POLR2D: variants seen among roughly 807,000 people sequenced by gnomAD.
The protein encoded by POLR2D is DNA-directed RNA polymerase II subunit RPB4.
Under a neutral mutation model 17.6 loss-of-function variants are expected in POLR2D, and 10 were observed. The observed-to-expected ratio is 0.57, with a 90% CI of 0.35 to 0.96. The LOEUF is 0.96. Among genes scored for constraint, POLR2D ranks in the 40% least tolerant of loss-of-function variants. POLR2D has a pLI of 0.02. For missense variants in POLR2D, 126 were observed against 176.4 expected (o/e 0.71, Z 1.62); for synonymous variants, 52 against 60.2 (o/e 0.86, Z 0.63).
Position 127,857,564 on chromosome 2 carries a change from C to T in POLR2D, c.73+464G>A, listed in dbSNP as rs184391993. On this transcript the variant is annotated intron_variant, in intron 1 of 3. Coordinates refer to ENST00000272645, the MANE Select transcript of POLR2D (RefSeq NM_004805.4). ...GCCAGTCAACAAACCAAGCTGCGTT[C>T]ACACGGACCAATCCTCCTCTTCCCG... 1.2e-3 allele frequency among the ~76,000 whole-genome samples: 183 copies of T among 152,336 alleles called. 1 individual carries two copies. Among genetic ancestry groups the T allele is most frequent in the Non-Finnish European group, 2.3e-3 (155 of 68,028 alleles).
chr2:127,844,354 C>T lies in POLR2D; in HGVS notation c.*3753G>A, dbSNP rs2104718731. ...TACAGCGCAGGAACAAACTAAGACA[C>T]TAAAACTTTCAGAAAGACTTATCTG... is the stretch of plus-strand genomic sequence containing the variant. On this transcript the variant is annotated 3_prime_UTR_variant, in exon 4 of 4. Transcript: ENST00000272645. 1 of 152,300 alleles carries T rather than the reference C, an allele frequency of 6.6e-6. No homozygotes were observed. Among genetic ancestry groups the T allele is most frequent in the South Asian group, 2.1e-4 (1 of 4,824 alleles). The allele number at this position is 152,300 out of a possible 1,614,324, so 9.4% of individuals were successfully genotyped here.
intron 2 of POLR2D, 120 bp from the exon 3 acceptor site, chr2:127,850,805 G>A (rs1428864578): frequency 1.3e-5 from 8 of 613,468 alleles, no homozygotes; most frequent in Admixed American, 6.0e-5. Flanking sequence ...ATAGCTAGAC[G>A]GCCAGGTGTA....
intron 1 of POLR2D, among the ~76,000 whole-genome samples, chr2:127,853,937 C>T (rs1385431612): frequency 6.6e-6 from 1 of 152,178 alleles, no homozygotes; most frequent in African/African-American, 2.4e-5. Flanking sequence ...AGACATGCTA[C>T]TAAGTAATGA....
chr2:127,855,549 C>T (rs776711779), intron 1 of POLR2D, among the ~76,000 whole-genome samples: 7 of 152,276 alleles, frequency 4.6e-5, no homozygotes, highest in South Asian at 2.1e-4. Flanking sequence ...ACTACTAATA[C>T]ATTACCCTCA....
rs1420096665 is a variant in POLR2D, at chr2:127,843,566, T to C, written c.*4541A>G. ...CTGACACCAGTGGCATATTTAGTGC[T>C]TTTTATTAACAGTATTACTAAGGCA... On this transcript the variant is annotated 3_prime_UTR_variant, in exon 4 of 4. Coordinates refer to ENST00000272645, the MANE Select transcript of POLR2D (RefSeq NM_004805.4). 1 of 152,266 alleles carries C rather than the reference T, an allele frequency of 6.6e-6. No individual in the cohort carries two copies. The highest frequency in any genetic ancestry group is 2.4e-5 in the African/African-American group (1 of 41,468). The allele number at this position is 152,266 out of a possible 1,614,324, so 9.4% of individuals were successfully genotyped here. A position where few individuals can be genotyped will look rare whatever the true frequency, so the allele number is the denominator to read the frequency against.
At chr2:127,851,295 T>G (rs1690248836) in intron 2 of POLR2D, among the ~76,000 whole-genome samples, 1 of 151,994 alleles carries the variant, frequency 6.6e-6, no homozygotes, top group African/African-American at 2.4e-5. Flanking sequence ...GGTGTGTGTC[T>G]GTAGTCCCAG....
chr2:127,858,103 C>G lies in POLR2D; in HGVS notation c.-3G>C. 1 of 1,479,556 alleles carries G rather than the reference C, an allele frequency of 6.8e-7. No homozygotes were observed. 91.7% of individuals were successfully genotyped at this position (1,479,556 alleles called of 1,614,324 possible). ...GGATCGCTGCCACCCGCCGCCATCG[C>G]CGCGCCGCGCCGCGCGCCACCACCA... On this transcript the variant is annotated 5_prime_UTR_variant, in exon 1 of 4. Coordinates refer to ENST00000272645, the MANE Select transcript of POLR2D (RefSeq NM_004805.4).
rs550288369 is a variant in POLR2D at position 127,852,103 on chromosome 2, G to T, written c.254+822C>A. On this transcript the variant is annotated intron_variant, in intron 2 of 3. Coordinates refer to ENST00000272645, the MANE Select transcript of POLR2D (RefSeq NM_004805.4). This position sits in a 1 kb window ranked among gnomAD's most constrained non-coding sequence, Gnocchi z 4.0. ...TGCACCCGGCCAATCCCAGCACTTT[G>T]GGGGGCTAAGGTTGGAGGATCAATT... is the stretch of plus-strand genomic sequence containing the variant. Among the ~76,000 whole-genome samples, 2 of 152,236 alleles carry T rather than the reference G, an allele frequency of 1.3e-5. No individual in the cohort carries two copies. Among genetic ancestry groups the T allele is most frequent in the East Asian group, 3.9e-4 (2 of 5,182 alleles).
intron 1 of POLR2D, 133 bp downstream of exon 1, chr2:127,857,895 C>A: frequency 7.2e-7 from 1 of 1,386,124 alleles, no homozygotes; most frequent in South Asian, 1.6e-5. Context: ...CATGTTCCCT[C>A]CCCAGCCCCA....
chr2:127,854,210 C>T (rs1415856503), intron 1 of POLR2D, among the ~76,000 whole-genome samples: 5 of 152,174 alleles, frequency 3.3e-5, no homozygotes, highest in Non-Finnish European at 7.4e-5. Flanking sequence ...TCATAATATA[C>T]GGCGACCTTC....
At position 127,848,043 on chromosome 2, in the gene POLR2D, A is replaced by G; in HGVS notation, c.*64T>C. On this transcript the variant is annotated 3_prime_UTR_variant, in exon 4 of 4. Coordinates refer to ENST00000272645, the MANE Select transcript of POLR2D (RefSeq NM_004805.4). ...GAATTTCTGTGCAAGTCAGCCCCAGACAGTGGGAAGGTGGTGTTATGCCTG... is the reference window on the plus strand; with the variant it reads ...GAATTTCTGTGCAAGTCAGCCCCAGGCAGTGGGAAGGTGGTGTTATGCCTG... The G allele has an allele frequency of 9.3e-7, 1 of 1,073,150 alleles. No homozygotes were observed. Among genetic ancestry groups the G allele is most frequent in the Admixed American group, 1.7e-5 (1 of 58,976 alleles). 66.5% of individuals were successfully genotyped at this position (1,073,150 alleles called of 1,614,324 possible).
At chr2:127,848,539 C>A (rs1299242827) in intron 3 of POLR2D, among the ~76,000 whole-genome samples, 2 of 151,910 alleles carry the variant, frequency 1.3e-5, no homozygotes, top group African/African-American at 4.8e-5. Context: ...GCCTACCAAA[C>A]GGAGTCTTGC....
chr2:127,857,793 T>A (rs2104729190), intron 1 of POLR2D: 1 of 1,303,340 alleles, frequency 7.7e-7, no homozygotes. Context: ...TTGTTTATCT[T>A]TGACACAGGT....
At position 127,846,253 on chromosome 2, in the gene POLR2D, A is replaced by T. The variant is rs1690152704; in HGVS notation, c.*1854T>A. On this transcript the variant is annotated 3_prime_UTR_variant, in exon 4 of 4. Transcript: ENST00000272645. ...ACACAGCCAGACTCTATCTCAAAAA[A>T]TAAATAAATAAATAAAAATAAGAAT... 1 of 150,654 alleles carries T rather than the reference A, an allele frequency of 6.6e-6. No individual in the cohort carries two copies. The highest frequency in any genetic ancestry group is 1.5e-5 in the Non-Finnish European group (1 of 68,028). The allele number at this position is 150,654 out of a possible 1,614,324, so 9.3% of individuals were successfully genotyped here. A position where few individuals can be genotyped will look rare whatever the true frequency, so the allele number is the denominator to read the frequency against.
In POLR2D at chr2:127,858,107, G is replaced by A. The variant is rs571997476; in HGVS notation, c.-7C>T. On this transcript the variant is annotated 5_prime_UTR_variant, in exon 1 of 4. Coordinates refer to ENST00000272645, the MANE Select transcript of POLR2D (RefSeq NM_004805.4). The stretch of plus-strand genomic sequence containing the variant: ...CGCTGCCACCCGCCGCCATCGCCGC[G>A]CCGCGCCGCGCGCCACCACCAGCGC... 2.2e-5 allele frequency: 33 copies of A among 1,483,946 alleles called. No homozygotes were observed. The highest frequency in any genetic ancestry group is 2.2e-4 in the Admixed American group (9 of 40,570). 91.9% of individuals were successfully genotyped at this position (1,483,946 alleles called of 1,614,324 possible).
rs919409439 is a variant in POLR2D, at chr2:127,852,724, C to G, written c.254+201G>C. On this transcript the variant is annotated intron_variant, in intron 2 of 3. Coordinates refer to ENST00000272645, the MANE Select transcript of POLR2D (RefSeq NM_004805.4). This position sits in a 1 kb window ranked among gnomAD's most constrained non-coding sequence, Gnocchi z 4.0. ...TAGCAGAGACGGGTTTTTGCTATAT[C>G]GACCAGGCTGGTCTTGAACACCTGG... 1.3e-5 allele frequency among the ~76,000 whole-genome samples: 2 copies of G among 151,906 alleles called. No homozygotes were observed. The highest frequency in any genetic ancestry group is 2.9e-5 in the Non-Finnish European group (2 of 67,978).
intron 1 of POLR2D, 139 bp downstream of exon 1, chr2:127,857,889 T>G (rs1337658275): frequency 7.3e-7 from 1 of 1,366,664 alleles, no homozygotes; most frequent in Non-Finnish European, 9.4e-7. Flanking sequence ...CAAGGCCATG[T>G]TCCCTCCCCA....
chr2:127,851,254 C>CA (rs1690248183), intron 2 of POLR2D, among the ~76,000 whole-genome samples: 1 of 151,760 alleles, frequency 6.6e-6, no homozygotes. Context: ...ACCAAAAAAA[C>CA]AAAAAACTAA....
At position 127,852,880 on chromosome 2, in the gene POLR2D, T is replaced by C; in HGVS notation, c.254+45A>G. 7.5e-7 allele frequency: 1 copy of C among 1,327,492 alleles called. No individual in the cohort carries two copies. The highest frequency in any genetic ancestry group is 1.1e-6 in the Non-Finnish European group (1 of 931,700). 82.2% of individuals were successfully genotyped at this position (1,327,492 alleles called of 1,614,324 possible). A position where few individuals can be genotyped will look rare whatever the true frequency, so the allele number is the denominator to read the frequency against. On this transcript the variant is annotated intron_variant, in intron 2 of 3. Transcript: ENST00000272645. This position sits in a 1 kb window ranked among gnomAD's most constrained non-coding sequence, Gnocchi z 4.0. Reference sequence around the variant, plus strand: ...GGAGGGGACAGCATTCTACATGCAGTTGTCCAATGGTTTGGATTAATAAAA... The same window carrying C: ...GGAGGGGACAGCATTCTACATGCAGCTGTCCAATGGTTTGGATTAATAAAA...
Sources: allele counts gnomAD v4.1 joint callset (sites outside exome capture counted in the v4.1 genomes callset), GRCh38; gene constraint gnomAD v4.1.1; non-coding constraint Gnocchi (gnomAD v3.1); transcripts MANE v1.5; gene names NCBI Gene and HGNC (gene_info 2026-07-23, HGNC 2026-07-21).